ITGB5: variants seen among roughly 807,000 people sequenced by gnomAD.
ITGB5 encodes integrin subunit beta 5.
In ITGB5, 38 loss-of-function variants were observed where a neutral mutation model predicts 84.8. The observed-to-expected ratio is 0.45, with a 90% CI of 0.35 to 0.59. The LOEUF (loss-of-function observed/expected upper bound fraction) is 0.59. Among genes scored for constraint, ITGB5 ranks in the 20% least tolerant of loss-of-function variants. ITGB5 has a pLI of 0.01. For missense variants in ITGB5, 905 were observed against 1,034.5 expected (o/e 0.87, Z 1.72); for synonymous variants, 393 against 414.4 (o/e 0.95, Z 0.63).
At chr3:124,825,079 C>A (rs1169014785) in intron 5 of ITGB5, among the ~76,000 whole-genome samples, 1 of 151,984 alleles carries the variant, frequency 6.6e-6, no homozygotes, top group African/African-American at 2.4e-5. Flanking sequence ...TGCCTGTAAT[C>A]CCAGCTACTC....
intron 8 of ITGB5, among the ~76,000 whole-genome samples, chr3:124,815,405 T>C (rs1253236206): frequency 6.6e-6 from 1 of 152,204 alleles, no homozygotes; most frequent in Non-Finnish European, 1.5e-5. Flanking sequence ...TGCTGACAAG[T>C]GGCCCCTCCG....
chr3:124,881,758 A>G (rs1262728328), intron 1 of ITGB5, among the ~76,000 whole-genome samples: 1 of 152,110 alleles, frequency 6.6e-6, no homozygotes, highest in East Asian at 1.9e-4. Flanking sequence ...ACCTGAGGTC[A>G]GGAGTTCAAG....
intron 9 of ITGB5, among the ~76,000 whole-genome samples, chr3:124,807,033 A>G (rs2064416201): frequency 6.6e-6 from 1 of 152,242 alleles, no homozygotes; most frequent in African/African-American, 2.4e-5. Flanking sequence ...GCACAAAAAA[A>G]GTTCACATAA....
At chr3:124,843,704 T>G (rs1272405872) in intron 4 of ITGB5, among the ~76,000 whole-genome samples, 1 of 152,172 alleles carries the variant, frequency 6.6e-6, no homozygotes, top group Non-Finnish European at 1.5e-5. Context: ...TTATCTGACT[T>G]AACCCCAGAG....
At chr3:124,862,968 G>A (rs1392848099) in intron 2 of ITGB5, 1 of 152,210 alleles carries the variant, frequency 6.6e-6, no homozygotes, top group Admixed American at 6.5e-5. Flanking sequence ...CAACATGATG[G>A]TACAAAGGGA....
intron 5 of ITGB5, among the ~76,000 whole-genome samples, chr3:124,827,140 C>G (rs1197814058): frequency 6.6e-6 from 1 of 152,078 alleles, no homozygotes; most frequent in Non-Finnish European, 1.5e-5. Context: ...CAATGAACTA[C>G]AAATGGAATA....
rs1374629495 is a variant in ITGB5 at position 124,762,815 on chromosome 3, GCTTA to G, written c.*804_*807del. 2.6e-5 allele frequency: 4 copies of G among 152,376 alleles called. No individual in the cohort carries two copies. The highest frequency in any genetic ancestry group is 9.6e-5 in the African/African-American group (4 of 41,558). The allele number at this position is 152,376 out of a possible 1,614,324, so 9.4% of individuals were successfully genotyped here. On this transcript the variant is annotated 3_prime_UTR_variant, in exon 15 of 15. Transcript: ENST00000296181. ...GCCCTCACTGCCCCGAGCACCTCAT[GCTTA>G]CTTGACAAGCTGCAGTCTGGAGTAT...
intron 2 of ITGB5, among the ~76,000 whole-genome samples, chr3:124,863,985 A>G (rs924531901): frequency 6.6e-6 from 1 of 151,448 alleles, no homozygotes; most frequent in African/African-American, 2.4e-5. Context: ...AAGAAAAAAA[A>G]AGAAAAAAAA....
chr3:124,877,154 T>TTG (rs1434393733), intron 1 of ITGB5, among the ~76,000 whole-genome samples: 2 of 150,540 alleles, frequency 1.3e-5, no homozygotes, highest in African/African-American at 4.9e-5. Context: ...TTTTTTTTTT[T>TTG]TGTGGTGGAA....
intron 3 of ITGB5, among the ~76,000 whole-genome samples, chr3:124,851,642 C>CAT (rs1553764711): frequency 6.7e-5 from 10 of 149,418 alleles, no homozygotes; most frequent in South Asian, 6.3e-4. Context: ...CACACACACA[C>CAT]GCACACATCC....
At chr3:124,858,058 C>T (rs183915579) in intron 3 of ITGB5, among the ~76,000 whole-genome samples, 1 of 150,132 alleles carries the variant, frequency 6.7e-6, no homozygotes, top group East Asian at 2.0e-4. Context: ...CTCTTGAACC[C>T]GGGAGGTGAA....
chr3:124,851,923 G>T (rs909028058), intron 3 of ITGB5, among the ~76,000 whole-genome samples: 2 of 152,138 alleles, frequency 1.3e-5, no homozygotes, highest in African/African-American at 4.8e-5. Flanking sequence ...TCCCCAAAAA[G>T]GGAGGCCTCT....
intron 5 of ITGB5, among the ~76,000 whole-genome samples, chr3:124,822,889 A>G (rs1217063772): frequency 1.3e-5 from 2 of 152,212 alleles, no homozygotes; most frequent in African/African-American, 2.4e-5. Context: ...AATGGAAGCC[A>G]GGGAGAGGAG....
At chr3:124,785,600 AC>A (rs1224941847) in intron 10 of ITGB5, among the ~76,000 whole-genome samples, 5 of 147,630 alleles carry the variant, frequency 3.4e-5, no homozygotes, top group African/African-American at 5.0e-5. Context: ...AAAAAAAAAA[AC>A]CCCAAAAAAA....
chr3:124,856,026 A>G (rs1055581213), intron 3 of ITGB5, among the ~76,000 whole-genome samples: 5 of 152,042 alleles, frequency 3.3e-5, no homozygotes, highest in Non-Finnish European at 7.4e-5. Context: ...TGGAGCCTCA[A>G]ACTCCTGGGT....
chr3:124,896,677 C>T (rs962055844), intron 1 of ITGB5, among the ~76,000 whole-genome samples: 2 of 146,210 alleles, frequency 1.4e-5, no homozygotes, highest in South Asian at 2.1e-4. Flanking sequence ...CCCAGGAGTT[C>T]GAGGTTATAG....
chr3:124,816,737 GGTGA>G (rs1463949818), intron 8 of ITGB5, among the ~76,000 whole-genome samples: 1 of 152,170 alleles, frequency 6.6e-6, no homozygotes, highest in African/African-American at 2.4e-5. Context: ...AGGCTTGGGA[GGTGA>G]GTCTGTGGAT....
chr3:124,778,139 G>A (rs1204829048), intron 10 of ITGB5, among the ~76,000 whole-genome samples: 2 of 152,244 alleles, frequency 1.3e-5, no homozygotes, highest in Admixed American at 6.5e-5. Flanking sequence ...TAGTGCCTGC[G>A]GAAAAAATAT....
Position 124,848,314 on chromosome 3 carries a change from G to A in ITGB5, c.606C>T (p.Cys202=), listed in dbSNP as rs1315425700. ...YTAPRYQTNP[C]IGYKLFPNCV... ...AAGGGCAACTGGTCACTTACCCAAT[G>A]CACGGATTGGTCTGGTACCTCGGTG... The change falls in exon 4 of 15, where the codon TGC becomes TGT. Residue 202 remains cysteine (C), a synonymous_variant. Coordinates refer to ENST00000296181, the MANE Select transcript of ITGB5 (RefSeq NM_002213.5). The A allele has an allele frequency of 1.2e-6, 2 of 1,613,958 alleles. No individual in the cohort carries two copies. The highest frequency in any genetic ancestry group is 1.3e-5 in the African/African-American group (1 of 74,914).
Sources: gnomAD v4.1 joint callset for allele counts (sites outside exome capture counted in the v4.1 genomes callset) on GRCh38, gnomAD v4.1.1 for gene constraint, MANE v1.5 for transcripts, NCBI Gene and HGNC (gene_info 2026-07-23, HGNC 2026-07-21) for gene names.